The following SERINC2 variants were observed in gnomAD, a reference collection of about 807,000 sequenced individuals.
SERINC2 encodes the protein tumor differentially expressed protein 2.
Under a neutral mutation model 54.2 loss-of-function variants are expected in SERINC2, and 56 were observed. That is an observed-to-expected ratio of 1.03 (90% CI 0.83 to 1.29). The LOEUF is 1.29. Ranked by LOEUF, SERINC2 falls within the 50% of genes most tolerant of loss-of-function variation. The pLI is 0.00. For synonymous variants in SERINC2, 272 were observed against 253.1 expected (o/e 1.07, Z -0.71); for missense variants, 614 against 607.4 (o/e 1.01, Z -0.12).
At chr1:31,416,485 T>G (rs1198335371) in intron 1 of SERINC2, among the ~76,000 whole-genome samples, 1 of 152,164 alleles carries the variant, frequency 6.6e-6, no homozygotes, top group East Asian at 1.9e-4. Context: ...TGGCACTGCA[T>G]GGGGGAAGTA....
intron 9 of SERINC2, 115 bp downstream of exon 9, chr1:31,433,300 C>A (rs559796098): frequency 1.2e-6 from 1 of 856,756 alleles, no homozygotes; most frequent in Non-Finnish European, 1.9e-6. Context: ...TTGGGGGTGG[C>A]GGTGTGTATC....
Position 31,425,043 on chromosome 1 carries a change from C to T in SERINC2, c.392+170C>T, listed in dbSNP as rs950428888. Among the ~76,000 whole-genome samples, 54 of 152,214 alleles carry T rather than the reference C, an allele frequency of 3.5e-4. 1 individual carries two copies. The highest frequency in any genetic ancestry group is 1.3e-3 in the African/African-American group (52 of 41,454). On this transcript the variant is annotated intron_variant, in intron 3 of 9. Coordinates refer to ENST00000373709, the MANE Select transcript of SERINC2 (RefSeq NM_178865.5). ...CATTTCTCAGATGAAGAGTAAGGCT[C>T]AGAAAGGGTGGCAGCAAGCCTCAGG...
chr1:31,416,940 G>A (rs1471238346), intron 1 of SERINC2, among the ~76,000 whole-genome samples: 5 of 152,076 alleles, frequency 3.3e-5, no homozygotes, highest in South Asian at 2.1e-4. Flanking sequence ...GGCTGGTCTC[G>A]AACTCCTGAT....
intron 8 of SERINC2, 33 bp from the exon 9 acceptor site, chr1:31,432,934 A>C (rs1355415971): frequency 6.5e-7 from 1 of 1,537,074 alleles, no homozygotes; most frequent in African/African-American, 1.4e-5. Context: ...CGCCAGAGCT[A>C]TCTATTTGCC....
At chr1:31,424,970 C>G in intron 3 of SERINC2, 97 bp downstream of exon 3, 1 of 981,874 alleles carries the variant, frequency 1.0e-6, no homozygotes, top group South Asian at 1.6e-5. Flanking sequence ...ACCCACCACT[C>G]AGGAGCCACG....
At chr1:31,410,294 A>G (rs1381220050), upstream of SERINC2, 3 of 1,523,540 alleles carry the variant, frequency 2.0e-6, no homozygotes, top group African/African-American at 4.2e-5. Flanking sequence ...CAGGACACCA[A>G]GAAATGAAGC....
chr1:31,417,215 C>G (rs1640801369), intron 1 of SERINC2, among the ~76,000 whole-genome samples: 1 of 152,182 alleles, frequency 6.6e-6, no homozygotes, highest in Non-Finnish European at 1.5e-5. Flanking sequence ...CTCCCTTCCC[C>G]CAAAGATACC....
chr1:31,410,187 T>A, upstream of SERINC2: 1 of 1,437,884 alleles, frequency 7.0e-7, no homozygotes, highest in Non-Finnish European at 9.1e-7. Context: ...ATCACATAGC[T>A]GCTGACTGTG....
chr1:31,430,724 T>G (rs782507307), intron 8 of SERINC2, among the ~76,000 whole-genome samples: 18 of 152,216 alleles, frequency 1.2e-4, no homozygotes, highest in Admixed American at 8.5e-4. Flanking sequence ...TGGTGGCTGT[T>G]CTTACAAGTC....
chr1:31,425,716 G>T (rs1641023095), intron 4 of SERINC2, 60 bp from the exon 5 acceptor site: 1 of 1,583,542 alleles, frequency 6.3e-7, no homozygotes, highest in Non-Finnish European at 8.6e-7. Context: ...GAAAACGCTT[G>T]TTGAACGAGT....
chr1:31,420,233 G>A (rs1018077508), intron 1 of SERINC2, among the ~76,000 whole-genome samples: 2 of 152,160 alleles, frequency 1.3e-5, no homozygotes, highest in African/African-American at 4.8e-5. Flanking sequence ...CATTTCCAAG[G>A]ATGCTCTGGA....
intron 1 of SERINC2, among the ~76,000 whole-genome samples, chr1:31,423,354 C>T (rs1640946375): frequency 6.6e-6 from 1 of 152,062 alleles, no homozygotes; most frequent in East Asian, 1.9e-4. Flanking sequence ...TATAAGGTCA[C>T]GAAGGTAATC....
chr1:31,433,946 G>A, intron 9 of SERINC2, 118 bp from the exon 10 acceptor site: 1 of 1,026,344 alleles, frequency 9.7e-7, no homozygotes, highest in Non-Finnish European at 1.5e-6. Flanking sequence ...ATGGACTGGA[G>A]TTACAGGGTA....
upstream of SERINC2, among the ~76,000 whole-genome samples, chr1:31,410,918 G>A (rs12033669): frequency 0.48 from 72,911 of 151,976 alleles, 17,985 homozygotes; most frequent in East Asian, 0.66. Context: ...TGTGAGGAGG[G>A]CTCACTTGAG....
intron 5 of SERINC2, 100 bp from the exon 6 acceptor site, chr1:31,426,554 G>C (rs1641046593): frequency 3.2e-6 from 3 of 923,884 alleles, no homozygotes; most frequent in Non-Finnish European, 4.9e-6. Context: ...CTGAGAGCTG[G>C]AGAGGGGGAG....
chr1:31,425,681 A>T, intron 4 of SERINC2, 95 bp from the exon 5 acceptor site: 1 of 1,440,298 alleles, frequency 6.9e-7, no homozygotes, highest in Non-Finnish European at 9.5e-7. Context: ...TGTTCTTCTC[A>T]GTGTCCCCGG....
intron 1 of SERINC2, 33 bp from the exon 2 acceptor site, chr1:31,423,660 G>T: frequency 6.3e-7 from 1 of 1,597,308 alleles, no homozygotes; most frequent in South Asian, 1.1e-5. Context: ...GGCGGTGAAG[G>T]GGAGAGGGAA....
chr1:31,433,001 C>T lies in SERINC2; in HGVS notation c.1048C>T (p.Leu350=). Residue 350 remains leucine (L), a synonymous_variant, in exon 9 of 10, where the codon CTG becomes TTG. Transcript: ENST00000373709. ...RSSDHRQVNS[L]MQTEECPPML... is the part of the protein sequence containing the mutation. ...CTCAGACCACCGGCAGGTGAACAGC[C>T]TGATGCAGACCGAGGAGTGCCCACC... 2 of 1,612,282 alleles carry T rather than the reference C, an allele frequency of 1.2e-6. No individual in the cohort carries two copies. Among genetic ancestry groups the T allele is most frequent in the East Asian group, 2.2e-5 (1 of 44,858 alleles).
chr1:31,433,048 G>A lies in SERINC2; in HGVS notation c.1095G>A (p.Gln365=), dbSNP rs781880852. 1 of 1,612,510 alleles carries A rather than the reference G, an allele frequency of 6.2e-7. No individual in the cohort carries two copies. Among genetic ancestry groups the A allele is most frequent in the Non-Finnish European group, 8.5e-7 (1 of 1,179,566 alleles). ...ECPPMLDATQ[Q]QQQVAACEGR... is the part of the protein sequence containing the mutation. ...CACCTATGCTAGACGCCACACAGCA[G>A]CAGCAGCAGGTGGCAGCCTGTGAGG... The change falls in exon 9 of 10, where the codon CAG becomes CAA. Residue 365 remains glutamine, a synonymous_variant. Transcript: ENST00000373709.
Sources: gnomAD v4.1 joint callset for allele counts (sites outside exome capture counted in the v4.1 genomes callset) on GRCh38, gnomAD v4.1.1 for gene constraint, MANE v1.5 for transcripts, NCBI Gene and HGNC (gene_info 2026-07-23, HGNC 2026-07-21) for gene names.